RBFOX1: variants seen among roughly 807,000 people sequenced by gnomAD.
RBFOX1 encodes RNA binding fox-1 homolog 1, also known as RNA binding protein fox-1 homolog 1.
In RBFOX1, 8 loss-of-function variants were observed where a neutral mutation model predicts 57.7. That is an observed-to-expected ratio of 0.14 (90% CI 0.08 to 0.25). The LOEUF is 0.25. Among genes scored for constraint, RBFOX1 ranks in the 10% least tolerant of loss-of-function variants. The pLI is 1.00. For synonymous variants in RBFOX1, 326 were observed against 222.4 expected (o/e 1.47, Z -4.15); for missense variants, 611 against 548.5 (o/e 1.11, Z -1.14).
intron 4 of RBFOX1, among the ~76,000 whole-genome samples, chr16:5,917,667 TC>T (rs1410443850): frequency 6.6e-6 from 1 of 152,138 alleles, no homozygotes; most frequent in East Asian, 1.9e-4. Flanking sequence ...AATGGTTATG[TC>T]CCCAGTCCAT....
intron 3 of RBFOX1, among the ~76,000 whole-genome samples, chr16:6,709,477 C>G (rs1251400003): frequency 2.0e-5 from 3 of 152,196 alleles, no homozygotes; most frequent in Admixed American, 6.5e-5. Flanking sequence ...GCTGACAGCT[C>G]TTAAAAAGAG....
intron 2 of RBFOX1, among the ~76,000 whole-genome samples, chr16:6,556,991 A>G (rs2097106736): frequency 8.4e-6 from 1 of 119,712 alleles, no homozygotes; most frequent in African/African-American, 2.8e-5. Context: ...ACGTATATAT[A>G]CATACATATA....
chr16:6,988,821 G>C (rs1267974198), intron 3 of RBFOX1, among the ~76,000 whole-genome samples: 1 of 150,800 alleles, frequency 6.6e-6, no homozygotes, highest in Non-Finnish European at 1.5e-5. Flanking sequence ...GCCCAGGCTG[G>C]AGTGCAATGG....
intron 3 of RBFOX1, among the ~76,000 whole-genome samples, chr16:6,965,787 T>G (rs1234770777): frequency 6.6e-6 from 1 of 152,214 alleles, no homozygotes; most frequent in East Asian, 1.9e-4. Context: ...AGTACTCACT[T>G]AGGTCCTGTT....
Position 6,095,430 on chromosome 16 carries a change from C to T in RBFOX1, c.-127+75438C>T, listed in dbSNP as rs113253774. Among the ~76,000 whole-genome samples the T allele has an allele frequency of 3.4e-3, 514 of 151,648 alleles. 2 individuals carry two copies. Among genetic ancestry groups the T allele is most frequent in the African/African-American group, 0.012 (486 of 41,460 alleles). On this transcript the variant is annotated intron_variant, in intron 1 of 15. Coordinates refer to ENST00000550418, the MANE Select transcript of RBFOX1 (RefSeq NM_018723.4). ...GCACTTTCTGTGGAGCTGATTGGAC[C>T]CTTGGGGGATGGCCTTGCAGGTCAG...
chr16:6,509,934 A>G (rs779146725), intron 2 of RBFOX1, among the ~76,000 whole-genome samples: 2 of 152,228 alleles, frequency 1.3e-5, no homozygotes, highest in African/African-American at 2.4e-5. Context: ...GAGACGCTCC[A>G]TAAGTGATGG....
At chr16:6,216,758 G>C (rs776054361) in intron 1 of RBFOX1, among the ~76,000 whole-genome samples, 1 of 152,062 alleles carries the variant, frequency 6.6e-6, no homozygotes, top group Non-Finnish European at 1.5e-5. Context: ...TACTCTGCCT[G>C]AAAACTAAAA....
chr16:6,892,784 C>CTCTCTT (rs2065811603), intron 3 of RBFOX1, among the ~76,000 whole-genome samples: 2 of 51,752 alleles, frequency 3.9e-5, no homozygotes, highest in South Asian at 5.9e-4. Context: ...CCCTCTCTCT[C>CTCTCTT]TCTCTCTCTC....
intron 1 of RBFOX1, among the ~76,000 whole-genome samples, chr16:6,310,839 C>A (rs750467617): frequency 2.6e-5 from 4 of 151,008 alleles, no homozygotes; most frequent in Non-Finnish European, 5.9e-5. Flanking sequence ...ATTCACTGTG[C>A]TTGGGGAGTC....
chr16:5,248,538 C>T (rs1458235164), intron 1 of RBFOX1, among the ~76,000 whole-genome samples: 1 of 152,232 alleles, frequency 6.6e-6, no homozygotes, highest in East Asian at 1.9e-4. Context: ...AAGGCTCCCT[C>T]TGACCCTCTA....
intron 2 of RBFOX1, among the ~76,000 whole-genome samples, chr16:5,544,350 G>A (rs2045095726): frequency 6.6e-6 from 1 of 152,088 alleles, no homozygotes; most frequent in Non-Finnish European, 1.5e-5. Context: ...GGGTTAAAGA[G>A]AAATTAGAAG....
intron 2 of RBFOX1, among the ~76,000 whole-genome samples, chr16:5,517,034 G>T (rs1322107551): frequency 1.3e-5 from 2 of 151,034 alleles, no homozygotes; most frequent in Non-Finnish European, 2.9e-5. Context: ...TCCTGGGCAA[G>T]TTGGTGCATA....
chr16:7,016,389 C>G (rs1458220457), intron 3 of RBFOX1, among the ~76,000 whole-genome samples: 4 of 152,124 alleles, frequency 2.6e-5, no homozygotes, highest in Admixed American at 2.0e-4. Context: ...CTTTCGGATA[C>G]TGAAAACAAG....
intron 5 of RBFOX1, among the ~76,000 whole-genome samples, chr16:7,567,824 T>C (rs1028062799): frequency 6.7e-6 from 1 of 149,430 alleles, no homozygotes; most frequent in Non-Finnish European, 1.5e-5. Context: ...TATATACCTA[T>C]ATATATCCCC....
At chr16:7,258,746 C>A (rs958733996) in intron 4 of RBFOX1, among the ~76,000 whole-genome samples, 2 of 152,138 alleles carry the variant, frequency 1.3e-5, no homozygotes, top group African/African-American at 4.8e-5. Flanking sequence ...CATTACTAAC[C>A]TCAACTTTAT....
chr16:6,259,273 T>C (rs1486187828), intron 1 of RBFOX1, among the ~76,000 whole-genome samples: 1 of 152,136 alleles, frequency 6.6e-6, no homozygotes, highest in Non-Finnish European at 1.5e-5. Context: ...TTTGCTTGTT[T>C]CATTTGCCAC....
chr16:7,074,231 A>T (rs968603545), intron 4 of RBFOX1, among the ~76,000 whole-genome samples: 1 of 152,222 alleles, frequency 6.6e-6, no homozygotes, highest in South Asian at 2.1e-4. Context: ...AACTGTTTGA[A>T]ATATTGTAGG....
At chr16:7,580,532 C>T (rs1408192304) in intron 6 of RBFOX1, among the ~76,000 whole-genome samples, 2 of 152,132 alleles carry the variant, frequency 1.3e-5, no homozygotes, top group Admixed American at 6.6e-5. Flanking sequence ...GAAAAGGATT[C>T]AGAGGTACTT....
At chr16:7,132,540 G>A (rs1174107475) in intron 4 of RBFOX1, among the ~76,000 whole-genome samples, 2 of 150,330 alleles carry the variant, frequency 1.3e-5, no homozygotes, top group African/African-American at 4.9e-5. Context: ...ATTAATTCAT[G>A]GTGCCTTGCA....
Sources: allele counts gnomAD v4.1 joint callset (sites outside exome capture counted in the v4.1 genomes callset), GRCh38; gene constraint gnomAD v4.1.1; transcripts MANE v1.5; gene names NCBI Gene and HGNC (gene_info 2026-07-23, HGNC 2026-07-21).